GTPBP10: variants seen among roughly 807,000 people sequenced by gnomAD.
GTPBP10 encodes GTP-binding protein 10.
A neutral mutation model predicts 44.8 loss-of-function variants in GTPBP10; 38 were observed. The observed-to-expected ratio is 0.85, with a 90% CI of 0.65 to 1.11. GTPBP10 has a LOEUF of 1.11. Ranked by LOEUF, GTPBP10 falls within the 50% of genes most tolerant of loss-of-function variation. The probability of loss-of-function intolerance (pLI) is 0.00; values close to 1 mark genes in which losing one functional copy is unlikely to be tolerated. For synonymous variants in GTPBP10, 152 were observed against 150.6 expected, an observed-to-expected ratio of 1.01 and a Z score of -0.07; for missense variants, 462 against 453.7, an observed-to-expected ratio of 1.02 and a Z score of -0.17.
In GTPBP10 at chr7:90,385,050, C is replaced by A; in HGVS notation, c.1060C>A (p.Leu354Ile). 3 of 1,613,810 alleles carry A rather than the reference C, an allele frequency of 1.9e-6. No individual in the cohort carries two copies. The highest frequency in any genetic ancestry group is 2.5e-6 in the Non-Finnish European group (3 of 1,179,808). Residue 354 changes from leucine (L) to isoleucine (I), a missense_variant, in exon 10 of 10, where the codon CTT becomes ATT. Leu to Ile is a conservative substitution (Grantham distance 5, BLOSUM62 2). Transcript: ENST00000222511. ...DEQANQENDALHKKQLLNLWI... is the reference protein window; with the variant it reads ...DEQANQENDAIHKKQLLNLWI... ...ACAGGCCAACCAGGAAAATGATGCA[C>A]TTCATAAGAAACAGTTGCTTAATTT...
rs981939090 is a variant in GTPBP10 at position 90,389,031 on chromosome 7, A to G, written c.*3877A>G. 1.3e-4 allele frequency: 20 copies of G among 152,250 alleles called. No homozygotes were observed. The highest frequency in any genetic ancestry group is 4.3e-4 in the African/African-American group (18 of 41,470). The allele number at this position is 152,250 out of a possible 1,614,324, so 9.4% of individuals were successfully genotyped here. On this transcript the variant is annotated 3_prime_UTR_variant, in exon 10 of 10. Coordinates refer to ENST00000222511, the MANE Select transcript of GTPBP10 (RefSeq NM_033107.4). ...TGTAAACCTACACAAAAGATAAAAG[A>G]TATCTTATTGCAAAAATAGGGCAAC...
Position 90,355,115 on chromosome 7 carries a change from T to TC in GTPBP10, c.349_350insC (p.Leu117SerfsTer10). 6.3e-7 allele frequency: 1 copy of TC among 1,594,292 alleles called. No individual in the cohort carries two copies. Among genetic ancestry groups the TC allele is most frequent in the East Asian group, 2.3e-5 (1 of 44,278 alleles). On this transcript the variant is annotated frameshift_variant, in exon 4 of 10. Transcript: ENST00000222511. LOFTEE classifies it high-confidence loss of function. ...ACTCAATAAAGAAAATGACAGAATT[T>TC]TGGTAGCTCAAGGAGGTCTTGGTGG...
In GTPBP10 at chr7:90,386,681, A is replaced by C. The variant is rs901802304; in HGVS notation, c.*1527A>C. 6.6e-6 allele frequency: 1 copy of C among 152,212 alleles called. No homozygotes were observed. The highest frequency in any genetic ancestry group is 2.4e-5 in the African/African-American group (1 of 41,452). 9.4% of individuals were successfully genotyped at this position (152,212 alleles called of 1,614,324 possible). On this transcript the variant is annotated 3_prime_UTR_variant, in exon 10 of 10. Coordinates refer to ENST00000222511, the MANE Select transcript of GTPBP10 (RefSeq NM_033107.4). ...CAACATAGCAAGACCCTGGCTCTCT[A>C]TAAAACAGAAAACGCAAACTTTAAT... is the stretch of plus-strand genomic sequence containing the variant.
chr7:90,385,151 T>G lies in GTPBP10; in HGVS notation c.1161T>G (p.Ile387Met). The change falls in exon 10 of 10, where the codon ATT becomes ATG. Residue 387 changes from isoleucine to methionine, a missense_variant. Transcript: ENST00000222511. ...TTACTACTTCCAAAATGGATATAAT[T>G]TAAATATATTAAAAATGGTATTGAT... is the stretch of plus-strand genomic sequence containing the variant. ...HAVTTSKMDI[I>M] The G allele has an allele frequency of 6.3e-7, 1 of 1,583,472 alleles. No individual in the cohort carries two copies. The highest frequency in any genetic ancestry group is 8.6e-7 in the Non-Finnish European group (1 of 1,162,304).
At chr7:90,346,826 C>G (rs770466806) in intron 1 of GTPBP10, 52 bp downstream of exon 1, 4 of 961,000 alleles carry the variant, frequency 4.2e-6, no homozygotes, top group Non-Finnish European at 5.3e-6. Context: ...AGCTCTGGTT[C>G]TTCTTTGCTC....
At chr7:90,350,640 T>C (rs1795773941) in intron 1 of GTPBP10, among the ~76,000 whole-genome samples, 1 of 152,234 alleles carries the variant, frequency 6.6e-6, no homozygotes, top group South Asian at 2.1e-4. Flanking sequence ...AAAATAGGAA[T>C]CCTGCATCTA....
intron 1 of GTPBP10, among the ~76,000 whole-genome samples, chr7:90,347,115 T>C (rs1795692448): frequency 1.3e-5 from 2 of 152,172 alleles, no homozygotes; most frequent in African/African-American, 4.8e-5. Context: ...TTTTTATATA[T>C]TTCTCCTTGA....
At chr7:90,359,082 A>G (rs1169980846) in intron 4 of GTPBP10, among the ~76,000 whole-genome samples, 1 of 152,172 alleles carries the variant, frequency 6.6e-6, no homozygotes, top group Non-Finnish European at 1.5e-5. Flanking sequence ...GAAAAGTCAA[A>G]AAACAATACG....
chr7:90,354,501 C>A lies in GTPBP10; in HGVS notation c.271C>A (p.Pro91Thr). The part of the protein sequence containing the change: ...KGSKGKDCEI[P>T]VPVGISVTDE... ...CTCCAAAGGAAAAGACTGTGAAATCCCTGTGCCTGTGGGTATTTCAGTAAC... is the reference window on the plus strand; with the variant it reads ...CTCCAAAGGAAAAGACTGTGAAATCACTGTGCCTGTGGGTATTTCAGTAAC... Residue 91 changes from proline to threonine, a missense_variant, in exon 3 of 10, where the codon CCT becomes ACT. Pro to Thr is a conservative substitution (Grantham distance 38). Coordinates refer to ENST00000222511, the MANE Select transcript of GTPBP10 (RefSeq NM_033107.4). The A allele has an allele frequency of 6.3e-7, 1 of 1,588,046 alleles. No homozygotes were observed. Among genetic ancestry groups the A allele is most frequent in the Non-Finnish European group, 8.6e-7 (1 of 1,167,466 alleles).
chr7:90,346,759 C>G lies in GTPBP10; in HGVS notation c.18C>G (p.Cys6Trp), dbSNP rs1172081385. MVHCSCVLFRKYGNFI... is the reference protein window; with the variant it reads MVHCSWVLFRKYGNFI... ...TTGCAGCCATGGTGCATTGCAGTTG[C>G]GTGTTGTTCAGAAAGGTCCGTGCGG... Residue 6 changes from cysteine to tryptophan, a missense_variant, in exon 1 of 10, where the codon TGC becomes TGG. Transcript: ENST00000222511. 6.2e-7 allele frequency: 1 copy of G among 1,614,214 alleles called. No homozygotes were observed. Among genetic ancestry groups the G allele is most frequent in the East Asian group, 2.2e-5 (1 of 44,888 alleles).
In GTPBP10 at chr7:90,383,019, G is replaced by A; in HGVS notation, c.841G>A (p.Asp281Asn). ...TGCACTCTTGGCAGTTAATAAAATGGACTTGCCAGATGCCCAAGATAAGTT... is the reference window on the plus strand; with the variant it reads ...TGCACTCTTGGCAGTTAATAAAATGAACTTGCCAGATGCCCAAGATAAGTT... ...KPALLAVNKM[D>N]LPDAQDKFHE... The change falls in exon 9 of 10, where the codon GAC (aspartate) becomes AAC (asparagine). Residue 281 changes from aspartate (D) to asparagine (N), a missense_variant. By Grantham distance (23) the Asp-to-Asn change is conservative. Coordinates refer to ENST00000222511, the MANE Select transcript of GTPBP10 (RefSeq NM_033107.4). 1 of 1,597,668 alleles carries A rather than the reference G, an allele frequency of 6.3e-7. No individual in the cohort carries two copies. The highest frequency in any genetic ancestry group is 1.3e-5 in the African/African-American group (1 of 74,868).
Position 90,385,837 on chromosome 7 carries a change from C to G in GTPBP10, c.*683C>G, listed in dbSNP as rs1158656712. Reference sequence around the variant, plus strand: ...TTCGGAGGCCGAGGAGGGCAGATCACTTGAGGTCAGGAGTTCAAGACCAGC... The same window carrying G: ...TTCGGAGGCCGAGGAGGGCAGATCAGTTGAGGTCAGGAGTTCAAGACCAGC... On this transcript the variant is annotated 3_prime_UTR_variant, in exon 10 of 10. Transcript: ENST00000222511. 6.6e-6 allele frequency: 1 copy of G among 152,026 alleles called. No individual in the cohort carries two copies. The highest frequency in any genetic ancestry group is 1.5e-5 in the Non-Finnish European group (1 of 68,000). The allele number at this position is 152,026 out of a possible 1,614,324, so 9.4% of individuals were successfully genotyped here.
chr7:90,369,678 C>T (rs564012441), intron 4 of GTPBP10, among the ~76,000 whole-genome samples: 20 of 152,234 alleles, frequency 1.3e-4, no homozygotes, highest in Admixed American at 7.2e-4. Flanking sequence ...TGGGGAAAAG[C>T]GCAGTATTTA....
intron 2 of GTPBP10, among the ~76,000 whole-genome samples, chr7:90,353,435 A>G (rs1439425406): frequency 6.6e-6 from 1 of 152,360 alleles, no homozygotes; most frequent in East Asian, 1.9e-4. Flanking sequence ...CACAAATGCA[A>G]TTATGTGCCT....
chr7:90,374,664 T>C (rs940374439), intron 6 of GTPBP10, among the ~76,000 whole-genome samples: 3 of 152,338 alleles, frequency 2.0e-5, no homozygotes, highest in Admixed American at 1.3e-4. Flanking sequence ...TTTTTAAAAA[T>C]GCTCTCTAAA....
At chr7:90,365,526 C>T (rs1220062688) in intron 4 of GTPBP10, among the ~76,000 whole-genome samples, 17 of 151,112 alleles carry the variant, frequency 1.1e-4, no homozygotes, top group Non-Finnish European at 1.8e-4. Context: ...CAGGCGCCCG[C>T]CACTACGCCC....
Position 90,390,697 on chromosome 7 carries a change from A to C in GTPBP10, c.*5543A>C, listed in dbSNP as rs539714470. Reference sequence around the variant, plus strand: ...GCATTGAAAGTTTAAAGCAAAGGACAAAAGCTTCCTTTGTTCATGGCCCAT... The same window carrying C: ...GCATTGAAAGTTTAAAGCAAAGGACCAAAGCTTCCTTTGTTCATGGCCCAT... On this transcript the variant is annotated 3_prime_UTR_variant, in exon 10 of 10. Transcript: ENST00000222511. 5.3e-5 allele frequency: 8 copies of C among 152,326 alleles called. No individual in the cohort carries two copies. The South Asian group carries it at 1.7e-3, about 32-fold the overall frequency. 9.4% of individuals were successfully genotyped at this position (152,326 alleles called of 1,614,324 possible). A position where few individuals can be genotyped will look rare whatever the true frequency, so the allele number is the denominator to read the frequency against.
At chr7:90,372,525 C>G (rs1480236694) in intron 5 of GTPBP10, among the ~76,000 whole-genome samples, 2 of 131,312 alleles carry the variant, frequency 1.5e-5, no homozygotes, top group East Asian at 4.2e-4. Context: ...GCCATGTTGC[C>G]CAGGCTGGTC....
At chr7:90,348,788 T>G (rs1368335304) in intron 1 of GTPBP10, among the ~76,000 whole-genome samples, 1 of 152,212 alleles carries the variant, frequency 6.6e-6, no homozygotes, top group Non-Finnish European at 1.5e-5. Flanking sequence ...ACCATTTGCT[T>G]TGGTTTCAGT....
Sources: allele counts gnomAD v4.1 joint callset (sites outside exome capture counted in the v4.1 genomes callset), GRCh38; gene constraint gnomAD v4.1.1; transcripts MANE v1.5; gene names NCBI Gene and HGNC (gene_info 2026-07-23, HGNC 2026-07-21).